Variants in GATA3 observed in about 807,000 individuals in gnomAD.
GATA3 encodes GATA binding protein 3.
Under a neutral mutation model 36.0 loss-of-function variants are expected in GATA3, and 6 were observed. The ratio of observed to expected loss-of-function variants is 0.17; its 90% CI spans 0.09 to 0.33. The LOEUF (loss-of-function observed/expected upper bound fraction) is 0.33. Among genes scored for constraint, GATA3 ranks in the 10% least tolerant of loss-of-function variants. The probability of loss-of-function intolerance (pLI) is 1.00; values close to 1 mark genes in which losing one functional copy is unlikely to be tolerated. For synonymous variants in GATA3, 326 were observed against 273.0 expected (o/e 1.19, Z -1.92); for missense variants, 514 against 610.1 (o/e 0.84, Z 1.66).
chr10:8,073,678 CT>C, intron 5 of GATA3, 60 bp from the exon 6 acceptor site: 1 of 1,520,048 alleles, frequency 6.6e-7, no homozygotes, highest in East Asian at 2.4e-5. Context: ...GTGCGAGAGC[CT>C]GTGCATTTCA....
rs528086249 is a variant in GATA3 at position 8,063,075 on chromosome 10, C to T, written c.779-918C>T. ...CTTCCTACCGGCCTGGCTGGTTTTT[C>T]GTTTATTTTGTTTGTTTGTGTTTTT... On this transcript the variant is annotated intron_variant, in intron 3 of 5. Transcript: ENST00000379328. Among the ~76,000 whole-genome samples the T allele has an allele frequency of 3.9e-5, 6 of 152,224 alleles. No individual in the cohort carries two copies. In the South Asian group the frequency reaches 8.3e-4, roughly 21 times the overall value.
chr10:8,063,031 G>C (rs1832775429), intron 3 of GATA3, among the ~76,000 whole-genome samples: 1 of 152,170 alleles, frequency 6.6e-6, no homozygotes, highest in African/African-American at 2.4e-5. Flanking sequence ...CTGGGCTGAG[G>C]GAGTGAATGC....
At chr10:8,059,508 C>T (rs866373463) in intron 3 of GATA3, among the ~76,000 whole-genome samples, 1 of 152,174 alleles carries the variant, frequency 6.6e-6, no homozygotes, top group African/African-American at 2.4e-5. Flanking sequence ...TAGTTACCTG[C>T]AGCGTCTCCT....
chr10:8,068,142 C>A (rs1448859084), intron 4 of GATA3, among the ~76,000 whole-genome samples: 4 of 151,744 alleles, frequency 2.6e-5, no homozygotes, highest in African/African-American at 9.7e-5. Flanking sequence ...AGAATAGTCA[C>A]CTGATCAATT....
At position 8,058,457 on chromosome 10, in the gene GATA3, G is replaced by A. The variant is rs991194737; in HGVS notation, c.394G>A (p.Val132Ile). Residue 132 changes from valine to isoleucine, a missense_variant, in exon 3 of 6, where the codon GTC (valine) becomes ATC (isoleucine). Transcript: ENST00000379328. ...CCACGGCTCCCCGGGGCCCCTCTCC[G>A]TCTACCCCCCGGCCTCGTCCTCCTC... ...IHHGSPGPLS[V>I]YPPASSSSLS... The A allele has an allele frequency of 1.9e-6, 3 of 1,612,664 alleles. No homozygotes were observed. The highest frequency in any genetic ancestry group is 2.5e-6 in the Non-Finnish European group (3 of 1,179,862).
At chr10:8,068,999 T>A (rs1832888580) in intron 4 of GATA3, among the ~76,000 whole-genome samples, 1 of 152,254 alleles carries the variant, frequency 6.6e-6, no homozygotes, top group Non-Finnish European at 1.5e-5. Flanking sequence ...GAATGCATCC[T>A]GATGGCTGGA....
At chr10:8,051,192 G>T (rs770444409), upstream of GATA3, 12 of 463,536 alleles carry the variant, frequency 2.6e-5, no homozygotes, top group South Asian at 1.9e-4. Context: ...TGTGTTTGGG[G>T]GTGTGTGTGG....
chr10:8,046,567 G>A (rs77553503), intron 1 of GATA3, among the ~76,000 whole-genome samples: 9,228 of 151,968 alleles, frequency 0.061, 326 homozygotes, highest in Non-Finnish European at 0.075. Context: ...AGTAGCAGTG[G>A]GTGGGCTGGG....
chr10:8,058,260 A>C, intron 2 of GATA3, 45 bp from the exon 3 acceptor site: 1 of 1,599,324 alleles, frequency 6.3e-7, no homozygotes, highest in Non-Finnish European at 8.6e-7. Flanking sequence ...CCAGGGCCAC[A>C]CTCACCCTCC....
chr10:8,057,174 A>G (rs1832654337), intron 2 of GATA3, among the ~76,000 whole-genome samples: 1 of 152,148 alleles, frequency 6.6e-6, no homozygotes. Flanking sequence ...TGGTGTTCAG[A>G]GAACTCTCTT....
Position 8,074,221 on chromosome 10 carries a change from T to A in GATA3, c.*198T>A. On this transcript the variant is annotated 3_prime_UTR_variant, in exon 6 of 6. Coordinates refer to ENST00000379328, the MANE Select transcript of GATA3 (RefSeq NM_001002295.2). Reference sequence around the variant, plus strand: ...TTCCAACCACTGAATCTGGACCCCATCTGTGAATAAGCCATTCTGACTCAT... The same window carrying A: ...TTCCAACCACTGAATCTGGACCCCAACTGTGAATAAGCCATTCTGACTCAT... 1 of 620,732 alleles carries A rather than the reference T, an allele frequency of 1.6e-6. No homozygotes were observed. Among genetic ancestry groups the A allele is most frequent in the African/African-American group, 1.8e-5 (1 of 54,344 alleles). The allele number at this position is 620,732 out of a possible 1,614,324, so 38.5% of individuals were successfully genotyped here.
At chr10:8,060,283 C>T (rs1269874095) in intron 3 of GATA3, among the ~76,000 whole-genome samples, 1 of 152,178 alleles carries the variant, frequency 6.6e-6, no homozygotes, top group African/African-American at 2.4e-5. Flanking sequence ...CCCAGACCTG[C>T]ATGTTCAGTA....
At chr10:8,065,894 G>T (rs1476943952) in intron 4 of GATA3, among the ~76,000 whole-genome samples, 4 of 133,514 alleles carry the variant, frequency 3.0e-5, no homozygotes, top group Non-Finnish European at 4.7e-5. Flanking sequence ...GGCTAGAGGT[G>T]TTAGTGCAGA....
rs754738004 is a variant in GATA3, at chr10:8,061,089, C to CTCTCTCTCTCTCTCTCTCTT, written c.778+2249_778+2250insCTCTCTCTCTCTCTCTCTTT. Among the ~76,000 whole-genome samples, 750 of 145,750 alleles carry CTCTCTCTCTCTCTCTCTCTT rather than the reference C, an allele frequency of 5.1e-3. 4 individuals carry two copies. The highest frequency in any genetic ancestry group is 0.01 in the Middle Eastern group (3 of 286). ...TTGCTCTCTCTCTCTCTCTCTCTCT[C>CTCTCTCTCTCTCTCTCTCTT]TTTTTTACCCCTTTAACCTCTTCTT... On this transcript the variant is annotated intron_variant, in intron 3 of 5. Coordinates refer to ENST00000379328, the MANE Select transcript of GATA3 (RefSeq NM_001002295.2).
At position 8,058,525 on chromosome 10, in the gene GATA3, G is replaced by A. The variant is rs1314875185; in HGVS notation, c.462G>A (p.Pro154=). The stretch of plus-strand genomic sequence containing the variant: ...CCAGCCCGCACCTCTTCACCTTCCC[G>A]CCCACCCCGCCGAAGGACGTCTCCC... The part of the protein sequence containing the change: ...GHASPHLFTF[P]PTPPKDVSPD... The change falls in exon 3 of 6, where the codon CCG becomes CCA. Residue 154 remains proline, a synonymous_variant. Coordinates refer to ENST00000379328, the MANE Select transcript of GATA3 (RefSeq NM_001002295.2). The A allele has an allele frequency of 5.6e-6, 9 of 1,608,272 alleles. No homozygotes were observed. The highest frequency in any genetic ancestry group is 1.4e-5 in the African/African-American group (1 of 73,752).
intron 4 of GATA3, among the ~76,000 whole-genome samples, chr10:8,066,246 C>A (rs766001570): frequency 1.4e-4 from 22 of 152,116 alleles, no homozygotes; most frequent in Non-Finnish European, 2.9e-4. Flanking sequence ...TATCTCCACT[C>A]ACCTTTCATA....
At chr10:8,069,411 AG>A in intron 4 of GATA3, 61 bp from the exon 5 acceptor site, 1 of 1,479,914 alleles carries the variant, frequency 6.8e-7, no homozygotes, top group Non-Finnish European at 9.4e-7. Flanking sequence ...CTGTCTTCAT[AG>A]TGATGACAAC....
rs35539169 is a variant in GATA3 at position 8,054,942 on chromosome 10, C to A, written c.-370+51C>A. On this transcript the variant is annotated intron_variant, in intron 1 of 5. Coordinates refer to ENST00000379328, the MANE Select transcript of GATA3 (RefSeq NM_001002295.2). The surrounding 1 kb of genome is among the most constrained non-coding windows in gnomAD (Gnocchi z 4.2). ...TTTAAGTTTGATTTTTTGCCCCCAA[C>A]CACTTGGGAGGACCTAAATCAATTT... 6.2e-3 allele frequency: 969 copies of A among 156,952 alleles called. 14 individuals carry two copies. Among genetic ancestry groups the A allele is most frequent in the South Asian group, 0.018 (90 of 4,876 alleles). 9.7% of individuals were successfully genotyped at this position (156,952 alleles called of 1,614,324 possible). A position where few individuals can be genotyped will look rare whatever the true frequency, so the allele number is the denominator to read the frequency against.
At chr10:8,061,833 A>G (rs963103241) in intron 3 of GATA3, among the ~76,000 whole-genome samples, 2 of 152,198 alleles carry the variant, frequency 1.3e-5, no homozygotes, top group Non-Finnish European at 2.9e-5. Context: ...GGTGCCCAGG[A>G]GCCGGGTGGC....
Sources: allele counts gnomAD v4.1 joint callset (sites outside exome capture counted in the v4.1 genomes callset), GRCh38; gene constraint gnomAD v4.1.1; non-coding constraint Gnocchi (gnomAD v3.1); transcripts MANE v1.5; gene names NCBI Gene and HGNC (gene_info 2026-07-23, HGNC 2026-07-21).